HCN1: variants seen among roughly 807,000 people sequenced by gnomAD.
HCN1 encodes hyperpolarization activated cyclic nucleotide gated potassium channel 1.
Under a neutral mutation model 78.9 loss-of-function variants are expected in HCN1, and 13 were observed. The observed-to-expected ratio is 0.16, with a 90% CI of 0.11 to 0.26. The LOEUF (loss-of-function observed/expected upper bound fraction) is 0.26, where lower values mean the gene tolerates loss of function less well. Among genes scored for constraint, HCN1 ranks in the 10% least tolerant of loss-of-function variants. The probability of loss-of-function intolerance (pLI) is 1.00; values close to 1 mark genes in which losing one functional copy is unlikely to be tolerated. For synonymous variants in HCN1, 552 were observed against 455.5 expected (o/e 1.21, Z -2.70); for missense variants, 810 against 1,154.3 (o/e 0.70, Z 4.32).
Position 45,555,601 on chromosome 5 carries a change from C to T in HCN1, c.849+89584G>A, listed in dbSNP as rs572497753. On this transcript the variant is annotated intron_variant, in intron 2 of 7. Transcript: ENST00000303230. ...AGACACTAGCCAAAACTATCCTGAG[C>T]AAAAAGAACAAAACTGGAGGAGTCA... Among the ~76,000 whole-genome samples, 22 of 151,760 alleles carry T rather than the reference C, an allele frequency of 1.4e-4. No individual in the cohort carries two copies. In the South Asian group the frequency reaches 4.6e-3, roughly 31 times the overall value.
At chr5:45,312,751 A>C (rs1391779582) in intron 5 of HCN1, among the ~76,000 whole-genome samples, 1 of 152,204 alleles carries the variant, frequency 6.6e-6, no homozygotes, top group Non-Finnish European at 1.5e-5. Context: ...TCCCACGCCC[A>C]CAGAGCCTTG....
At chr5:45,541,919 C>G (rs1743113657) in intron 2 of HCN1, among the ~76,000 whole-genome samples, 1 of 152,072 alleles carries the variant, frequency 6.6e-6, no homozygotes, top group African/African-American at 2.4e-5. Flanking sequence ...GACTTTGAAA[C>G]AAGAAATAAG....
intron 2 of HCN1, among the ~76,000 whole-genome samples, chr5:45,580,813 T>A (rs1426040264): frequency 6.6e-6 from 1 of 152,128 alleles, no homozygotes; most frequent in Non-Finnish European, 1.5e-5. Flanking sequence ...CTCGCGATAG[T>A]TTGCTGAGAA....
At chr5:45,494,418 A>G (rs1264644071) in intron 2 of HCN1, among the ~76,000 whole-genome samples, 1 of 151,974 alleles carries the variant, frequency 6.6e-6, no homozygotes, top group African/African-American at 2.4e-5. Flanking sequence ...GTGTCTGTTC[A>G]TGTCCTTCGC....
intron 5 of HCN1, among the ~76,000 whole-genome samples, chr5:45,317,091 A>T (rs1231871965): frequency 6.6e-6 from 1 of 152,180 alleles, no homozygotes; most frequent in Non-Finnish European, 1.5e-5. Flanking sequence ...GGGGCCAAAA[A>T]AGAGCCTGCA....
At chr5:45,511,393 T>C (rs1742413247) in intron 2 of HCN1, among the ~76,000 whole-genome samples, 1 of 152,018 alleles carries the variant, frequency 6.6e-6, no homozygotes, top group Non-Finnish European at 1.5e-5. Context: ...CCTTCCAAGA[T>C]ACAATATGGT....
chr5:45,345,356 G>A (rs1446025950), intron 5 of HCN1, among the ~76,000 whole-genome samples: 1 of 152,098 alleles, frequency 6.6e-6, no homozygotes. Context: ...CCATTATCCT[G>A]GTGATTAACA....
At chr5:45,346,438 C>A (rs1214650120) in intron 5 of HCN1, among the ~76,000 whole-genome samples, 2 of 152,182 alleles carry the variant, frequency 1.3e-5, no homozygotes, top group Non-Finnish European at 2.9e-5. Context: ...GTGAGTGACA[C>A]AGAAGATGGG....
intron 3 of HCN1, among the ~76,000 whole-genome samples, chr5:45,414,278 G>A (rs576327872): frequency 6.6e-6 from 1 of 151,960 alleles, no homozygotes; most frequent in African/African-American, 2.4e-5. Context: ...CCTCCTCCAT[G>A]CCTCACCTTC....
Position 45,350,005 on chromosome 5 carries a change from T to A in HCN1, c.1377+3095A>T, listed in dbSNP as rs542747057. 2.6e-5 allele frequency among the ~76,000 whole-genome samples: 4 copies of A among 152,150 alleles called. No homozygotes were observed. In the South Asian group the frequency reaches 8.3e-4, roughly 32 times the overall value. On this transcript the variant is annotated intron_variant, in intron 5 of 7. Coordinates refer to ENST00000303230, the MANE Select transcript of HCN1 (RefSeq NM_021072.4). ...TTCCAATCAATAGAAAAAGAGGGAA[T>A]CCTCCCTAATTCATTTTGTGAGGAC...
intron 2 of HCN1, among the ~76,000 whole-genome samples, chr5:45,478,457 C>T (rs1248305866): frequency 1.3e-5 from 2 of 151,998 alleles, no homozygotes; most frequent in African/African-American, 4.8e-5. Context: ...ATGGCTTGTC[C>T]GAAGAGGAAC....
intron 5 of HCN1, among the ~76,000 whole-genome samples, chr5:45,338,909 C>G (rs193266049): frequency 6.6e-6 from 1 of 152,230 alleles, no homozygotes; most frequent in African/African-American, 2.4e-5. Flanking sequence ...TCTTATTCTA[C>G]TCATGCTTTT....
At chr5:45,267,029 C>T in intron 7 of HCN1, 60 bp downstream of exon 7, 3 of 1,434,364 alleles carry the variant, frequency 2.1e-6, no homozygotes, top group Non-Finnish European at 3.0e-6. Context: ...CTTATAATTG[C>T]AAACCTGTAT....
chr5:45,663,738 C>T (rs1202625491), intron 1 of HCN1, among the ~76,000 whole-genome samples: 17 of 152,028 alleles, frequency 1.1e-4, no homozygotes, highest in African/African-American at 3.6e-4. Context: ...CAGAGAAATG[C>T]AAATCAAAAC....
chr5:45,676,155 T>A (rs748956630), intron 1 of HCN1, among the ~76,000 whole-genome samples: 1 of 151,832 alleles, frequency 6.6e-6, no homozygotes, highest in South Asian at 2.1e-4. Context: ...TTTTGAGATA[T>A]CACTTTACTT....
chr5:45,392,772 C>T (rs578248926), intron 4 of HCN1, among the ~76,000 whole-genome samples: 162 of 149,438 alleles, frequency 1.1e-3, no homozygotes, highest in African/African-American at 3.9e-3. Flanking sequence ...GGCAACAGAG[C>T]GAGACTCCAT....
intron 2 of HCN1, among the ~76,000 whole-genome samples, chr5:45,626,387 C>T (rs1467138588): frequency 1.3e-5 from 2 of 152,140 alleles, no homozygotes; most frequent in Non-Finnish European, 2.9e-5. Flanking sequence ...CTCCTGAGTG[C>T]TCACCATGTG....
chr5:45,666,995 T>G (rs1746062940), intron 1 of HCN1, among the ~76,000 whole-genome samples: 1 of 151,990 alleles, frequency 6.6e-6, no homozygotes, highest in South Asian at 2.1e-4. Flanking sequence ...ATCTAAAACT[T>G]GGCTAGATTA....
At chr5:45,622,082 C>T (rs976225284) in intron 2 of HCN1, among the ~76,000 whole-genome samples, 4 of 151,832 alleles carry the variant, frequency 2.6e-5, no homozygotes, top group African/African-American at 7.3e-5. Flanking sequence ...ATTAGCCAGA[C>T]GTGGTGGCGG....
Sources: allele counts gnomAD v4.1 joint callset (sites outside exome capture counted in the v4.1 genomes callset), GRCh38; gene constraint gnomAD v4.1.1; transcripts MANE v1.5; gene names NCBI Gene and HGNC (gene_info 2026-07-23, HGNC 2026-07-21).